LFNG: variants seen among roughly 807,000 people sequenced by gnomAD.
LFNG encodes beta-1,3-N-acetylglucosaminyltransferase lunatic fringe.
In LFNG, 15 loss-of-function variants were observed where a neutral mutation model predicts 32.7. The observed-to-expected ratio is 0.46, with a 90% CI of 0.31 to 0.71. The LOEUF is 0.71. Ranked by LOEUF, LFNG falls within the 30% of genes least tolerant of loss-of-function variation. LFNG has a pLI of 0.06. For missense variants in LFNG, 520 were observed against 545.7 expected (o/e 0.95, Z 0.47); for synonymous variants, 274 against 246.8 (o/e 1.11, Z -1.03).
chr7:2,518,108 G>A (rs534994591), upstream of LFNG, among the ~76,000 whole-genome samples: 38 of 152,290 alleles, frequency 2.5e-4, no homozygotes, highest in Middle Eastern at 3.4e-3. Flanking sequence ...CCCTCAGTCC[G>A]GAGGCTGGGG....
In LFNG at chr7:2,520,588, T is replaced by C. The variant is rs1386232502; in HGVS notation, c.432+295T>C. Among the ~76,000 whole-genome samples, 1 of 152,250 alleles carries C rather than the reference T, an allele frequency of 6.6e-6. No individual in the cohort carries two copies. Among genetic ancestry groups the C allele is most frequent in the Non-Finnish European group, 1.5e-5 (1 of 68,046 alleles). ...TGGGGTTGGTGCCCTGTGATACTTCTCACCCCGTAAACATTGGAGCGCATT... is the reference window on the plus strand; with the variant it reads ...TGGGGTTGGTGCCCTGTGATACTTCCCACCCCGTAAACATTGGAGCGCATT... On this transcript the variant is annotated intron_variant, in intron 1 of 7. Coordinates refer to ENST00000222725, the MANE Select transcript of LFNG (RefSeq NM_001040167.2). The surrounding 1 kb of genome is among the most constrained non-coding windows in gnomAD (Gnocchi z 5.0).
upstream of LFNG, among the ~76,000 whole-genome samples, chr7:2,516,788 C>T (rs545478280): frequency 2.8e-4 from 42 of 152,360 alleles, no homozygotes; most frequent in Admixed American, 2.0e-3. Context: ...TGAAGCCATG[C>T]GCCAGGGCCA....
In LFNG at chr7:2,528,075, TG is replaced by T. The variant is rs1780048677; in HGVS notation, c.*868del. On this transcript the variant is annotated 3_prime_UTR_variant, in exon 8 of 8. Transcript: ENST00000222725. ...TGTTCTTGTTTTTTGCTTGGGAGGGTGGGGGTGGGGGAGGGTCTTATTTTAT... is the reference window on the plus strand; with the variant it reads ...TGTTCTTGTTTTTTGCTTGGGAGGGTGGGGTGGGGGAGGGTCTTATTTTAT... 2 of 45,606 alleles carry T rather than the reference TG, an allele frequency of 4.4e-5. No individual in the cohort carries two copies. Among genetic ancestry groups the T allele is most frequent in the Non-Finnish European group, 5.7e-5 (2 of 35,036 alleles). 2.8% of individuals were successfully genotyped at this position (45,606 alleles called of 1,614,324 possible).
chr7:2,525,887 C>A (rs2128377600), intron 5 of LFNG, 117 bp downstream of exon 5: 14 of 878,526 alleles, frequency 1.6e-5, no homozygotes, highest in Non-Finnish European at 2.2e-5. Context: ...TGGCACTGCC[C>A]ACTTACTTCC....
chr7:2,512,917 A>G (rs570862058), upstream of LFNG, among the ~76,000 whole-genome samples: 4 of 150,826 alleles, frequency 2.7e-5, no homozygotes, highest in East Asian at 5.8e-4. Context: ...ACCCCTGCCC[A>G]ACTTCCACCT....
rs1055489560 is a variant in LFNG, at chr7:2,520,132, C to T, written c.271C>T (p.Pro91Ser). 3.4e-5 allele frequency: 47 copies of T among 1,364,540 alleles called. No individual in the cohort carries two copies. The highest frequency in any genetic ancestry group is 4.3e-4 in the Middle Eastern group (2 of 4,646). The allele number at this position is 1,364,540 out of a possible 1,614,324, so 84.5% of individuals were successfully genotyped here. The stretch of plus-strand genomic sequence containing the variant: ...CCGCGCGCGCAGAGATGCGGGCCCG[C>T]CGCCCGGGGCTGCCCCCCGCCCCGC... ...LTRARRDAGP[P>S]PGAAPRPADG... is the part of the protein sequence containing the mutation. The change falls in exon 1 of 8, where the codon CCG becomes TCG. Residue 91 changes from proline to serine, a missense_variant. Coordinates refer to ENST00000222725, the MANE Select transcript of LFNG (RefSeq NM_001040167.2). This position sits in a 1 kb window ranked among gnomAD's most constrained non-coding sequence, Gnocchi z 5.0.
Position 2,526,256 on chromosome 7 carries a change from C to A in LFNG, c.834C>A (p.Phe278Leu). The change falls in exon 6 of 8, where the codon TTC becomes TTA. Residue 278 changes from phenylalanine (F) to leucine (L), a missense_variant. By Grantham distance (22) the Phe-to-Leu change is conservative. Transcript: ENST00000222725. This position sits in a 1 kb window ranked among gnomAD's most constrained non-coding sequence, Gnocchi z 6.9. The part of the protein sequence containing the change: ...KMSPWASGGH[F>L]MNTAERIRLP... ...TTCCCTCCCGCAGCGGGGGTCACTT[C>A]ATGAATACGGCTGAGCGGATCCGGC... is the stretch of plus-strand genomic sequence containing the variant. 6.2e-7 allele frequency: 1 copy of A among 1,613,078 alleles called. No homozygotes were observed. Among genetic ancestry groups the A allele is most frequent in the African/African-American group, 1.3e-5 (1 of 75,062 alleles).
upstream of LFNG, among the ~76,000 whole-genome samples, chr7:2,515,127 C>T (rs1296968432): frequency 5.3e-5 from 8 of 151,922 alleles, no homozygotes; most frequent in African/African-American, 1.9e-4. Context: ...TCTGCCCCTC[C>T]ATCTAACTGT....
chr7:2,524,578 T>C, intron 1 of LFNG, 117 bp from the exon 2 acceptor site: 1 of 932,756 alleles, frequency 1.1e-6, no homozygotes, highest in Non-Finnish European at 1.7e-6. Flanking sequence ...GAAGGGTGGG[T>C]GTCAGTGTGA....
Position 2,520,393 on chromosome 7 carries a change from A to G in LFNG, c.432+100A>G, listed in dbSNP as rs1779758327. On this transcript the variant is annotated intron_variant, in intron 1 of 7. Coordinates refer to ENST00000222725, the MANE Select transcript of LFNG (RefSeq NM_001040167.2). This position sits in a 1 kb window ranked among gnomAD's most constrained non-coding sequence, Gnocchi z 5.0. ...CCCATGGGAGTCAGGCTGCATCCCC[A>G]TCCAGCCACTAGGGCCATCTGTGGG... is the stretch of plus-strand genomic sequence containing the variant. 1 of 1,105,408 alleles carries G rather than the reference A, an allele frequency of 9.0e-7. No homozygotes were observed. Among genetic ancestry groups the G allele is most frequent in the East Asian group, 3.0e-5 (1 of 33,528 alleles). 68.5% of individuals were successfully genotyped at this position (1,105,408 alleles called of 1,614,324 possible). A position where few individuals can be genotyped will look rare whatever the true frequency, so the allele number is the denominator to read the frequency against.
chr7:2,526,955 G>C lies in LFNG; in HGVS notation c.1073+34G>C. On this transcript the variant is annotated intron_variant, in intron 7 of 7. Coordinates refer to ENST00000222725, the MANE Select transcript of LFNG (RefSeq NM_001040167.2). This position sits in a 1 kb window ranked among gnomAD's most constrained non-coding sequence, Gnocchi z 6.9. Reference sequence around the variant, plus strand: ...ACCCCGGCCCAGATGGGCTTGCGTAGGGTGGCCTAGGGGCGTCAGGGGGCC... The same window carrying C: ...ACCCCGGCCCAGATGGGCTTGCGTACGGTGGCCTAGGGGCGTCAGGGGGCC... 6.3e-7 allele frequency: 1 copy of C among 1,596,632 alleles called. No homozygotes were observed. Among genetic ancestry groups the C allele is most frequent in the Non-Finnish European group, 8.6e-7 (1 of 1,166,904 alleles).
chr7:2,524,836 G>T, intron 2 of LFNG, 93 bp downstream of exon 2: 2 of 1,215,680 alleles, frequency 1.6e-6, no homozygotes, highest in Non-Finnish European at 2.4e-6. Context: ...GGGCCGAGAG[G>T]TCACCAAGGG....
Position 2,528,086 on chromosome 7 carries a change from G to A in LFNG, c.*874G>A. 1.4e-5 allele frequency: 2 copies of A among 141,514 alleles called. No homozygotes were observed. The highest frequency in any genetic ancestry group is 2.8e-5 in the Non-Finnish European group (2 of 70,496). The allele number at this position is 141,514 out of a possible 1,614,324, so 8.8% of individuals were successfully genotyped here. ...TTTGCTTGGGAGGGTGGGGGTGGGG[G>A]AGGGTCTTATTTTATCTTATCTTTT... On this transcript the variant is annotated 3_prime_UTR_variant, in exon 8 of 8. Coordinates refer to ENST00000222725, the MANE Select transcript of LFNG (RefSeq NM_001040167.2).
At chr7:2,515,056 A>G (rs560523270), upstream of LFNG, among the ~76,000 whole-genome samples, 26 of 148,768 alleles carry the variant, frequency 1.7e-4, no homozygotes, top group Non-Finnish European at 3.7e-4. Flanking sequence ...CTGTCCATCC[A>G]TCCATCCATC....
At chr7:2,522,442 G>A (rs1055859749) in intron 1 of LFNG, among the ~76,000 whole-genome samples, 6 of 152,178 alleles carry the variant, frequency 3.9e-5, no homozygotes, top group African/African-American at 9.7e-5. Context: ...GAGGTTCCCC[G>A]CCCCTCCCAG....
chr7:2,512,831 A>G, intron 1 of LFNG: 4 of 835,642 alleles, frequency 4.8e-6, no homozygotes, highest in Non-Finnish European at 8.0e-6. Flanking sequence ...GCTTCTCTTT[A>G]TCTCCAGCCT....
rs1468363910 is a variant in LFNG at position 2,527,689 on chromosome 7, T to G, written c.*477T>G. On this transcript the variant is annotated 3_prime_UTR_variant, in exon 8 of 8. Transcript: ENST00000222725. The surrounding 1 kb of genome is among the most constrained non-coding windows in gnomAD (Gnocchi z 4.4). ...GTACGACTCACTGAGCCATGCTCAT[T>G]GCAGGGGAGGCTGGGTCTGGGGGTG... 2 of 1,081,346 alleles carry G rather than the reference T, an allele frequency of 1.8e-6. No homozygotes were observed. Among genetic ancestry groups the G allele is most frequent in the East Asian group, 7.4e-5 (1 of 13,570 alleles). 67.0% of individuals were successfully genotyped at this position (1,081,346 alleles called of 1,614,324 possible).
chr7:2,525,096 CCGCCGG>C, intron 2 of LFNG, 117 bp from the exon 3 acceptor site: 5 of 883,338 alleles, frequency 5.7e-6, no homozygotes, highest in Non-Finnish European at 9.0e-6. Context: ...GAGGCTACGG[CCGCCGG>C]GCCCAGCTTG....
chr7:2,524,506 G>C, intron 1 of LFNG, 189 bp from the exon 2 acceptor site: 2 of 660,178 alleles, frequency 3.0e-6, no homozygotes, highest in Non-Finnish European at 5.6e-6. Flanking sequence ...CTCTGGCCCA[G>C]ATGGCACTGA....
Sources: allele counts gnomAD v4.1 joint callset (sites outside exome capture counted in the v4.1 genomes callset), GRCh38; gene constraint gnomAD v4.1.1; non-coding constraint Gnocchi (gnomAD v3.1); transcripts MANE v1.5; gene names NCBI Gene and HGNC (gene_info 2026-07-23, HGNC 2026-07-21).